The following HMCN1 variants were observed in gnomAD, a reference collection of about 807,000 sequenced individuals.
HMCN1 encodes hemicentin 1, also known as hemicentin-1.
A neutral mutation model predicts 625.9 loss-of-function variants in HMCN1; 321 were observed. That is an observed-to-expected ratio of 0.51 (90% CI 0.47 to 0.56). The LOEUF is 0.56. Among genes scored for constraint, HMCN1 ranks in the 20% least tolerant of loss-of-function variants. The probability of loss-of-function intolerance (pLI) is 0.00; values close to 1 mark genes in which losing one functional copy is unlikely to be tolerated. For missense variants in HMCN1, 6,588 were observed against 6,887.3 expected (o/e 0.96, Z 1.54); for synonymous variants, 2,425 against 2,417.6 (o/e 1.00, Z -0.09).
At chr1:185,895,630 C>T (rs186301786) in intron 4 of HMCN1, among the ~76,000 whole-genome samples, 23 of 152,174 alleles carry the variant, frequency 1.5e-4, no homozygotes, top group African/African-American at 5.5e-4. Flanking sequence ...ACAAGCAAGG[C>T]CTTAGAAAAT....
chr1:186,025,301 T>A (rs527787490), intron 36 of HMCN1, among the ~76,000 whole-genome samples: 1 of 152,148 alleles, frequency 6.6e-6, no homozygotes, highest in Non-Finnish European at 1.5e-5. Flanking sequence ...TGGCCCAGGG[T>A]TGGGGACCCC....
At chr1:186,052,415 T>A (rs1657015315) in intron 42 of HMCN1, among the ~76,000 whole-genome samples, 1 of 152,024 alleles carries the variant, frequency 6.6e-6, no homozygotes, top group African/African-American at 2.4e-5. Flanking sequence ...CTTTGAAGGT[T>A]CCAGAGAGAA....
intron 53 of HMCN1, among the ~76,000 whole-genome samples, chr1:186,075,729 T>C (rs1337647257): frequency 6.6e-6 from 1 of 152,166 alleles, no homozygotes; most frequent in African/African-American, 2.4e-5. Context: ...CAGACTTCTA[T>C]TGTTGAATGT....
At chr1:185,980,860 C>A in intron 16 of HMCN1, 118 bp from the exon 17 acceptor site, 1 of 767,938 alleles carries the variant, frequency 1.3e-6, no homozygotes, top group Middle Eastern at 2.3e-4. Flanking sequence ...CTGTGTATGT[C>A]CCTTCTTCAA....
chr1:185,781,879 C>A (rs1405600209), intron 1 of HMCN1, among the ~76,000 whole-genome samples: 1 of 152,118 alleles, frequency 6.6e-6, no homozygotes, highest in African/African-American at 2.4e-5. Context: ...TGGTGCAGAG[C>A]CGAATTCAAT....
At chr1:185,933,459 A>G (rs1667653053) in intron 10 of HMCN1, 90 bp from the exon 11 acceptor site, 4 of 1,248,010 alleles carry the variant, frequency 3.2e-6, no homozygotes, top group South Asian at 1.2e-5. Flanking sequence ...CTGGATGTTC[A>G]GTACATACTT....
intron 93 of HMCN1, among the ~76,000 whole-genome samples, 158 bp downstream of exon 93, chr1:186,146,081 A>T (rs538776249): frequency 1.9e-3 from 284 of 152,170 alleles, no homozygotes; most frequent in Non-Finnish European, 3.2e-3. Flanking sequence ...TTCTGTATCA[A>T]TCCAAGGCTG....
At chr1:185,836,821 C>A (rs1661198835) in intron 1 of HMCN1, among the ~76,000 whole-genome samples, 1 of 151,922 alleles carries the variant, frequency 6.6e-6, no homozygotes, top group Non-Finnish European at 1.5e-5. Context: ...CTATTCTTAC[C>A]TTCTTGGTGT....
In HMCN1 at chr1:186,151,753, A is replaced by G. The variant is rs1247517402; in HGVS notation, c.14896+10A>G. 2 of 1,612,704 alleles carry G rather than the reference A, an allele frequency of 1.2e-6. No homozygotes were observed. Among genetic ancestry groups the G allele is most frequent in the Admixed American group, 3.3e-5 (2 of 59,998 alleles). On this transcript the variant is annotated intron_variant, in intron 95 of 106. Coordinates refer to ENST00000271588, the MANE Select transcript of HMCN1 (RefSeq NM_031935.3). ...GTGGAATTTGCAACTGGTTAGTGTC[A>G]GCTGAATTTAATATTCTATTACTAT...
chr1:186,166,919 C>A lies in HMCN1; in HGVS notation c.15551C>A (p.Thr5184Asn), dbSNP rs142062263. 4 of 1,614,140 alleles carry A rather than the reference C, an allele frequency of 2.5e-6. No homozygotes were observed. In the South Asian group the frequency reaches 3.3e-5, roughly 13 times the overall value. Residue 5184 changes from threonine (T) to asparagine (N), a missense_variant, in exon 100 of 107, where the codon ACC (threonine) becomes AAC (asparagine). This residue lies in a region of HMCN1 where 1,954 missense variants were observed against 2,013.1 expected (regional missense o/e 0.97). Transcript: ENST00000271588. Reference protein sequence around the residue: ...VVRCGSGFRRTSDGLSCQDIN... With the variant: ...VVRCGSGFRRNSDGLSCQDIN... Reference sequence around the variant, plus strand: ...CGTTGTGGAAGTGGCTTTCGAAGAACCTCTGATGGGCTGAGTTGTCAAGGT... The same window carrying A: ...CGTTGTGGAAGTGGCTTTCGAAGAAACTCTGATGGGCTGAGTTGTCAAGGT...
At chr1:186,134,476 C>T (rs1322083454) in intron 86 of HMCN1, among the ~76,000 whole-genome samples, 1 of 152,138 alleles carries the variant, frequency 6.6e-6, no homozygotes, top group East Asian at 1.9e-4. Flanking sequence ...AAAGCACTGG[C>T]CCTGAAAGTT....
intron 1 of HMCN1, among the ~76,000 whole-genome samples, chr1:185,753,122 C>A (rs1654922285): frequency 1.3e-5 from 2 of 151,950 alleles, no homozygotes; most frequent in South Asian, 4.2e-4. Context: ...ATTATATATT[C>A]ATTTATTAGC....
At chr1:186,120,247 G>A (rs1661338492) in intron 80 of HMCN1, 102 bp downstream of exon 80, 1 of 1,281,746 alleles carries the variant, frequency 7.8e-7, no homozygotes, top group East Asian at 2.5e-5. Context: ...TTCCCCCATA[G>A]TTCTCGACAT....
intron 103 of HMCN1, among the ~76,000 whole-genome samples, chr1:186,175,777 G>T (rs12119172): frequency 9.3e-5 from 14 of 151,214 alleles, no homozygotes. Context: ...CCAGCTACTC[G>T]GCAGGCTGAG....
intron 1 of HMCN1, among the ~76,000 whole-genome samples, chr1:185,743,358 T>A (rs1310386984): frequency 6.6e-6 from 1 of 152,256 alleles, no homozygotes; most frequent in Non-Finnish European, 1.5e-5. Flanking sequence ...GGTGATAATA[T>A]ATCTCCCATC....
At chr1:186,140,584 T>C (rs1270533630) in intron 89 of HMCN1, among the ~76,000 whole-genome samples, 3 of 152,192 alleles carry the variant, frequency 2.0e-5, no homozygotes, top group African/African-American at 7.2e-5. Flanking sequence ...CTATTTTTAC[T>C]TCTATTATTA....
At chr1:185,811,763 C>T (rs1222581041) in intron 1 of HMCN1, among the ~76,000 whole-genome samples, 1 of 151,846 alleles carries the variant, frequency 6.6e-6, no homozygotes, top group African/African-American at 2.4e-5. Context: ...TATACATAGG[C>T]ATGTGCCTTC....
At position 186,019,584 on chromosome 1, in the gene HMCN1, G is replaced by A; in HGVS notation, c.5514G>A (p.Val1838=). The A allele has an allele frequency of 6.2e-7, 1 of 1,610,408 alleles. No individual in the cohort carries two copies. The highest frequency in any genetic ancestry group is 8.5e-7 in the Non-Finnish European group (1 of 1,177,042). Residue 1838 remains valine, a synonymous_variant, in exon 35 of 107, where the codon GTG becomes GTA. Coordinates refer to ENST00000271588, the MANE Select transcript of HMCN1 (RefSeq NM_031935.3). ...IKSSGLSERV[V]VKYKPVALQC... The stretch of plus-strand genomic sequence containing the variant: ...CCTCAGGCCTTTCTGAGAGAGTTGT[G>A]GTAAAATACAAGCCTGTCGCCTTGC...
chr1:185,823,398 AT>A (rs1660317559), intron 1 of HMCN1, among the ~76,000 whole-genome samples: 1 of 152,222 alleles, frequency 6.6e-6, no homozygotes, highest in African/African-American at 2.4e-5. Context: ...TAGGCAACAT[AT>A]AAAAAAATTG....
Sources: gnomAD v4.1 joint callset for allele counts (sites outside exome capture counted in the v4.1 genomes callset) on GRCh38, gnomAD v4.1.1 for gene constraint, gnomAD v4.1.1 regional missense constraint, MANE v1.5 for transcripts, NCBI Gene and HGNC (gene_info 2026-07-23, HGNC 2026-07-21) for gene names.